The following XKR9 variants were observed in gnomAD, a reference collection of about 807,000 sequenced individuals.
XKR9 encodes the protein XK-related protein 9.
XKR9 carries 32 observed loss-of-function variants against 32.0 expected under a neutral mutation model. That is an observed-to-expected ratio of 1.00 (90% CI 0.76 to 1.34). The LOEUF is 1.34. XKR9 is among the 40% of genes most tolerant of loss of function. The probability of loss-of-function intolerance (pLI) is 0.00; values close to 1 mark genes in which losing one functional copy is unlikely to be tolerated. For missense variants in XKR9, 546 were observed against 429.7 expected (o/e 1.27, Z -2.39); for synonymous variants, 168 against 143.4 (o/e 1.17, Z -1.22).
the XKR9 span, among the ~76,000 whole-genome samples, chr8:70,855,588 G>C: frequency 1.3e-4 from 20 of 152,172 alleles, no homozygotes; most frequent in African/African-American, 3.6e-4. Flanking sequence ...CCCAATCTAG[G>C]AAGGCAGGCC....
At chr8:71,013,933 C>A in the XKR9 span, among the ~76,000 whole-genome samples, 1 of 152,032 alleles carries the variant, frequency 6.6e-6, no homozygotes, top group Non-Finnish European at 1.5e-5. Flanking sequence ...GATTTCCCCA[C>A]CCTTAGTCAC....
chr8:70,851,129 A>G, the XKR9 span, among the ~76,000 whole-genome samples: 2 of 152,334 alleles, frequency 1.3e-5, no homozygotes, highest in African/African-American at 2.4e-5. Flanking sequence ...GCATTCCTAT[A>G]CACCAATAAT....
chr8:70,736,025 T>A (rs1225516122), downstream of XKR9: 6 of 152,208 alleles, frequency 3.9e-5, no homozygotes, highest in African/African-American at 1.4e-4. Context: ...TCTAGATCCC[T>A]GAGGAATCAC....
intron 2 of XKR9, among the ~76,000 whole-genome samples, chr8:70,743,526 A>G (rs1035003541): frequency 2.6e-5 from 4 of 152,176 alleles, no homozygotes; most frequent in Non-Finnish European, 4.4e-5. Context: ...TCTTCAGAGA[A>G]ACATTTTTTT....
intron 2 of XKR9, among the ~76,000 whole-genome samples, chr8:70,753,544 G>A (rs1807173235): frequency 6.6e-6 from 1 of 152,162 alleles, no homozygotes. Context: ...GAATCCAGCA[G>A]CACATCAAAA....
the XKR9 span, among the ~76,000 whole-genome samples, chr8:71,012,487 A>C: frequency 6.6e-6 from 1 of 152,326 alleles, no homozygotes; most frequent in African/African-American, 2.4e-5. Context: ...AATTCTAGCC[A>C]TGAGAAGCTG....
the XKR9 span, among the ~76,000 whole-genome samples, chr8:70,852,660 T>C: frequency 6.6e-6 from 1 of 152,296 alleles, no homozygotes; most frequent in African/African-American, 2.4e-5. Context: ...CATGGAATAC[T>C]ATGCAGCCAT....
At chr8:70,762,212 T>C (rs139873060) in intron 2 of XKR9, among the ~76,000 whole-genome samples, 56 of 152,296 alleles carry the variant, frequency 3.7e-4, no homozygotes, top group African/African-American at 1.3e-3. Flanking sequence ...AATTTTAAAA[T>C]AGTTTTCTCT....
chr8:70,984,644 T>C, the XKR9 span, among the ~76,000 whole-genome samples: 10 of 152,246 alleles, frequency 6.6e-5, no homozygotes, highest in African/African-American at 2.4e-4. Flanking sequence ...CTCTATAAAT[T>C]ATAGAAAAAT....
the XKR9 span, among the ~76,000 whole-genome samples, chr8:71,063,860 G>A: frequency 6.6e-6 from 1 of 152,168 alleles, no homozygotes; most frequent in African/African-American, 2.4e-5. Context: ...AATAGACATA[G>A]TTAGGGTTGG....
chr8:70,907,413 A>G, the XKR9 span, among the ~76,000 whole-genome samples: 1 of 152,320 alleles, frequency 6.6e-6, no homozygotes, highest in Admixed American at 6.5e-5. Context: ...TGCTTTTATG[A>G]CAGTCTGTAC....
At chr8:70,993,757 A>G in the XKR9 span, among the ~76,000 whole-genome samples, 1 of 151,788 alleles carries the variant, frequency 6.6e-6, no homozygotes, top group South Asian at 2.1e-4. Context: ...CAGACCTTTA[A>G]AATTGTCAGA....
At chr8:70,962,381 C>T in the XKR9 span, among the ~76,000 whole-genome samples, 9 of 152,030 alleles carry the variant, frequency 5.9e-5, no homozygotes, top group Admixed American at 1.3e-4. Flanking sequence ...TTCTAATAGT[C>T]GTCAGTGTCT....
At chr8:70,937,609 C>T in the XKR9 span, among the ~76,000 whole-genome samples, 35 of 152,182 alleles carry the variant, frequency 2.3e-4, no homozygotes, top group Middle Eastern at 0.01. Flanking sequence ...TGCACATGAA[C>T]ACTATAGTTA....
At chr8:70,913,186 A>G in the XKR9 span, among the ~76,000 whole-genome samples, 1 of 152,224 alleles carries the variant, frequency 6.6e-6, no homozygotes, top group African/African-American at 2.4e-5. Flanking sequence ...AATAAGAAAC[A>G]TACATTTTAA....
chr8:71,050,234 G>GATATATATATAT, the XKR9 span, among the ~76,000 whole-genome samples: 18 of 95,940 alleles, frequency 1.9e-4, no homozygotes, highest in Non-Finnish European at 3.4e-4. Context: ...ATGCCTGGCA[G>GATATATATATAT]AGATATATAT....
the XKR9 span, among the ~76,000 whole-genome samples, chr8:70,927,385 GT>G: frequency 1.3e-5 from 2 of 152,072 alleles, no homozygotes; most frequent in African/African-American, 4.8e-5. Flanking sequence ...GTCTCTACCT[GT>G]TTTAGTCCAT....
the XKR9 span, among the ~76,000 whole-genome samples, chr8:70,885,293 T>C: frequency 6.6e-6 from 1 of 152,220 alleles, no homozygotes; most frequent in African/African-American, 2.4e-5. Context: ...GTATGGATAA[T>C]ATACAAGGTA....
the XKR9 span, among the ~76,000 whole-genome samples, chr8:70,799,938 C>G: frequency 6.6e-6 from 1 of 152,280 alleles, no homozygotes; most frequent in African/African-American, 2.4e-5. Flanking sequence ...TTGTCTTGAG[C>G]TGGTTTTCAA....
Sources: gnomAD v4.1 joint callset for allele counts (sites outside exome capture counted in the v4.1 genomes callset) on GRCh38, gnomAD v4.1.1 for gene constraint, MANE v1.5 for transcripts, NCBI Gene and HGNC (gene_info 2026-07-23, HGNC 2026-07-21) for gene names.